The following IFNLR1 variants were observed in gnomAD, a reference collection of about 807,000 sequenced individuals.
IFNLR1 encodes the protein CRF2-12.
A neutral mutation model predicts 52.5 loss-of-function variants in IFNLR1; 28 were observed. That is an observed-to-expected ratio of 0.53 (90% CI 0.40 to 0.73). IFNLR1 has a LOEUF of 0.73. Among genes scored for constraint, IFNLR1 ranks in the 30% least tolerant of loss-of-function variants. The probability of loss-of-function intolerance (pLI) is 0.00; values close to 1 mark genes in which losing one functional copy is unlikely to be tolerated. For synonymous variants in IFNLR1, 276 were observed against 274.9 expected, an observed-to-expected ratio of 1.00 and a Z score of -0.04; for missense variants, 623 against 659.1, an observed-to-expected ratio of 0.95 and a Z score of 0.60.
chr1:24,175,336 C>G (rs1644621268), intron 2 of IFNLR1, among the ~76,000 whole-genome samples: 1 of 152,244 alleles, frequency 6.6e-6, no homozygotes, highest in African/African-American at 2.4e-5. Flanking sequence ...GCCCAAAGGG[C>G]AGAGCACTGA....
chr1:24,158,902 C>T (rs867484127), intron 6 of IFNLR1, 150 bp downstream of exon 6: 1 of 848,946 alleles, frequency 1.2e-6, no homozygotes, highest in Non-Finnish European at 1.9e-6. Flanking sequence ...GAATGCATTA[C>T]TAATGGTGGA....
chr1:24,159,726 G>GTTTTTTTTTTTGTTT, intron 4 of IFNLR1, 93 bp from the exon 5 acceptor site: 5 of 761,904 alleles, frequency 6.6e-6, no homozygotes, highest in Middle Eastern at 3.3e-4. Flanking sequence ...ATGGTAGGGT[G>GTTTTTTTTTTTGTTT]TTTTTTTTTT....
At chr1:24,163,653 C>T (rs780809446) in intron 3 of IFNLR1, among the ~76,000 whole-genome samples, 7 of 151,374 alleles carry the variant, frequency 4.6e-5, no homozygotes, top group Non-Finnish European at 8.8e-5. Context: ...GATCTCGGCT[C>T]ACCGCAACCT....
chr1:24,186,897 A>C (rs1644744727), intron 1 of IFNLR1, among the ~76,000 whole-genome samples: 1 of 152,168 alleles, frequency 6.6e-6, no homozygotes, highest in Non-Finnish European at 1.5e-5. Context: ...ATTAAAAAGC[A>C]CTTTATTAAA....
chr1:24,184,892 G>A (rs1326185374), intron 1 of IFNLR1, among the ~76,000 whole-genome samples: 2 of 152,112 alleles, frequency 1.3e-5, no homozygotes, highest in Non-Finnish European at 2.9e-5. Context: ...GGTGGCACAC[G>A]CCTGTCATCT....
At chr1:24,158,974 G>T (rs1644410156) in intron 6 of IFNLR1, 78 bp downstream of exon 6, 3 of 1,437,404 alleles carry the variant, frequency 2.1e-6, no homozygotes, top group Non-Finnish European at 2.9e-6. Flanking sequence ...TATTCTATCT[G>T]AACAACTCAT....
At chr1:24,182,472 T>C (rs555700417) in intron 1 of IFNLR1, among the ~76,000 whole-genome samples, 10 of 152,334 alleles carry the variant, frequency 6.6e-5, no homozygotes, top group African/African-American at 2.4e-4. Context: ...TGAATGCAGT[T>C]TTTTTCCTGA....
intron 2 of IFNLR1, among the ~76,000 whole-genome samples, chr1:24,179,118 T>C (rs1158543464): frequency 6.9e-6 from 1 of 144,558 alleles, no homozygotes; most frequent in African/African-American, 2.5e-5. Context: ...ATTTTTTGTA[T>C]TTTTTTTTTT....
Position 24,156,703 on chromosome 1 carries a change from G to A in IFNLR1, c.*427C>T. The A allele has an allele frequency of 6.2e-6, 1 of 161,504 alleles. No homozygotes were observed. The highest frequency in any genetic ancestry group is 1.3e-5 in the Non-Finnish European group (1 of 74,748). 10.0% of individuals were successfully genotyped at this position (161,504 alleles called of 1,614,324 possible). ...GGATGGGGGAGTTCAGTGGCTGCTG[G>A]GAAAGGCATGAGGTATAGCAGGTGT... On this transcript the variant is annotated 3_prime_UTR_variant, in exon 7 of 7. Transcript: ENST00000327535.
chr1:24,166,052 CT>C (rs1315594411), intron 3 of IFNLR1, among the ~76,000 whole-genome samples: 1 of 152,118 alleles, frequency 6.6e-6, no homozygotes, highest in Non-Finnish European at 1.5e-5. Flanking sequence ...TTTTAAATAT[CT>C]TTGTGTCTTT....
chr1:24,166,058 G>A (rs1352943111), intron 3 of IFNLR1, among the ~76,000 whole-genome samples: 1 of 152,082 alleles, frequency 6.6e-6, no homozygotes, highest in East Asian at 1.9e-4. Context: ...ATATCTTTGT[G>A]TCTTTCCCTT....
At chr1:24,187,077 GGCTC>G in intron 1 of IFNLR1, 110 bp downstream of exon 1, 1 of 609,220 alleles carries the variant, frequency 1.6e-6, no homozygotes, top group South Asian at 3.2e-5. Flanking sequence ...ATTCGCACCC[GGCTC>G]GGGTGGCTGC....
rs755765651 is a variant in IFNLR1, at chr1:24,180,839, G to A, written c.74C>T (p.Ala25Val). Residue 25 changes from alanine to valine, a missense_variant, in exon 2 of 7, where the codon GCC (alanine) becomes GTC (valine). Transcript: ENST00000327535. ...LQAAPGRPRL[A>V]PPQNVTLLSQ... ...GAGCAGCGTCACATTCTGGGGAGGG[G>A]CCAGACGGGGCCTCCCTGGGGGAAA... 1 of 1,613,560 alleles carries A rather than the reference G, an allele frequency of 6.2e-7. No individual in the cohort carries two copies. The highest frequency in any genetic ancestry group is 1.7e-5 in the Admixed American group (1 of 59,996).
chr1:24,162,944 C>T (rs1644478938), intron 3 of IFNLR1, among the ~76,000 whole-genome samples: 1 of 114,978 alleles, frequency 8.7e-6, no homozygotes, highest in Non-Finnish European at 1.7e-5. Flanking sequence ...CTTTCTCTTT[C>T]TTTCTTCTTT....
intron 3 of IFNLR1, among the ~76,000 whole-genome samples, chr1:24,166,893 A>G (rs1166023497): frequency 2.0e-5 from 3 of 152,124 alleles, no homozygotes; most frequent in African/African-American, 7.2e-5. Context: ...GGTTAAGTTT[A>G]TGTGTCAATT....
chr1:24,187,073 A>G, intron 1 of IFNLR1, 118 bp downstream of exon 1: 1 of 575,268 alleles, frequency 1.7e-6, no homozygotes, highest in Non-Finnish European at 2.7e-6. Context: ...GCCGATTCGC[A>G]CCCGGCTCGG....
intron 6 of IFNLR1, among the ~76,000 whole-genome samples, chr1:24,158,400 G>C (rs1319090043): frequency 4.6e-5 from 7 of 152,244 alleles, no homozygotes; most frequent in Non-Finnish European, 8.8e-5. Context: ...CTGACAGTTA[G>C]TGGGATTCTC....
At chr1:24,167,763 C>T (rs1644534534) in intron 3 of IFNLR1, among the ~76,000 whole-genome samples, 1 of 152,120 alleles carries the variant, frequency 6.6e-6, no homozygotes, top group Non-Finnish European at 1.5e-5. Context: ...GGCACGATCT[C>T]AGCTCACTGC....
At position 24,156,865 on chromosome 1, in the gene IFNLR1, G is replaced by A; in HGVS notation, c.*265C>T. 2 of 516,964 alleles carry A rather than the reference G, an allele frequency of 3.9e-6. No homozygotes were observed. Among genetic ancestry groups the A allele is most frequent in the Non-Finnish European group, 3.4e-6 (1 of 292,778 alleles). 32.0% of individuals were successfully genotyped at this position (516,964 alleles called of 1,614,324 possible). On this transcript the variant is annotated 3_prime_UTR_variant, in exon 7 of 7. Transcript: ENST00000327535. ...GCCTGTCACCCTAGGGACAATGGGG[G>A]TGATGACACCCCACCAACCTCTGAC... is the stretch of plus-strand genomic sequence containing the variant.
Sources: allele counts gnomAD v4.1 joint callset (sites outside exome capture counted in the v4.1 genomes callset), GRCh38; gene constraint gnomAD v4.1.1; transcripts MANE v1.5; gene names NCBI Gene and HGNC (gene_info 2026-07-23, HGNC 2026-07-21).